The following HORMAD1 variants were observed in gnomAD, a reference collection of about 807,000 sequenced individuals.
HORMAD1 encodes the protein HORMA domain containing 1, also known as HORMA domain-containing protein 1.
Under a neutral mutation model 58.2 loss-of-function variants are expected in HORMAD1, and 33 were observed. The ratio of observed to expected loss-of-function variants is 0.57; its 90% CI spans 0.43 to 0.76. HORMAD1 has a LOEUF of 0.76. Ranked by LOEUF, HORMAD1 falls within the 30% of genes least tolerant of loss-of-function variation. HORMAD1 has a pLI of 0.00. For synonymous variants in HORMAD1, 137 were observed against 144.6 expected (o/e 0.95, Z 0.38); for missense variants, 363 against 462.0 (o/e 0.79, Z 1.96).
At chr1:150,706,166 C>T (rs1285093831) in intron 10 of HORMAD1, among the ~76,000 whole-genome samples, 1 of 152,118 alleles carries the variant, frequency 6.6e-6, no homozygotes, top group Admixed American at 6.5e-5. Context: ...CACAGGCTAC[C>T]TGAACACTTA....
intron 14 of HORMAD1, chr1:150,699,021 C>A: frequency 4.3e-6 from 1 of 229,990 alleles, no homozygotes; most frequent in Non-Finnish European, 8.4e-6. Flanking sequence ...CCAAATATTT[C>A]AGAGCAATAA....
At chr1:150,719,452 C>T (rs1322004749) in intron 2 of HORMAD1, 21 bp downstream of exon 2, 6 of 1,499,680 alleles carry the variant, frequency 4.0e-6, no homozygotes, top group South Asian at 1.2e-5. Context: ...TTAAGATATA[C>T]CAAAATACAA....
At position 150,706,782 on chromosome 1, in the gene HORMAD1, C is replaced by T; in HGVS notation, c.575G>A (p.Gly192Asp). 1.9e-6 allele frequency: 3 copies of T among 1,611,450 alleles called. No homozygotes were observed. The highest frequency in any genetic ancestry group is 2.5e-6 in the Non-Finnish European group (3 of 1,178,242). ...EVTPPDYQPP[G>D]FKDGDCEGVI... Reference sequence around the variant, plus strand: ...TCCTTCACAATCACCATCCTTAAAACCGGGAGGCTGGTAATCTGGGGGTGT... The same window carrying T: ...TCCTTCACAATCACCATCCTTAAAATCGGGAGGCTGGTAATCTGGGGGTGT... Residue 192 changes from glycine (G) to aspartate (D), a missense_variant, in exon 10 of 15, where the codon GGT (glycine) becomes GAT (aspartate). Around this residue, in one of 3 missense-constraint regions of HORMAD1, gnomAD observed 226 missense variants for 257.8 expected, o/e 0.88. Transcript: ENST00000361824.
chr1:150,701,953 A>C (rs922950223), intron 13 of HORMAD1: 5 of 152,228 alleles, frequency 3.3e-5, no homozygotes, highest in African/African-American at 9.6e-5. Context: ...ATGCAAATTC[A>C]TGAAGCATTC....
chr1:150,700,441 C>A (rs1651501985), intron 13 of HORMAD1, among the ~76,000 whole-genome samples: 1 of 152,076 alleles, frequency 6.6e-6, no homozygotes, highest in South Asian at 2.1e-4. Context: ...CAGTGCCCAG[C>A]TGGATATACA....
intron 1 of HORMAD1, 80 bp downstream of exon 1, chr1:150,720,724 G>C (rs1480390716): frequency 6.6e-6 from 1 of 152,202 alleles, no homozygotes; most frequent in Non-Finnish European, 1.5e-5. Flanking sequence ...TTAAAAGTAG[G>C]GGGAAGCTGA....
chr1:150,698,360 C>G lies in HORMAD1; in HGVS notation c.*294G>C, dbSNP rs1651431160. 5.4e-6 allele frequency: 1 copy of G among 186,010 alleles called. No homozygotes were observed. Among genetic ancestry groups the G allele is most frequent in the African/African-American group, 2.3e-5 (1 of 42,754 alleles). 11.5% of individuals were successfully genotyped at this position (186,010 alleles called of 1,614,324 possible). On this transcript the variant is annotated 3_prime_UTR_variant, in exon 15 of 15. Coordinates refer to ENST00000361824, the MANE Select transcript of HORMAD1 (RefSeq NM_032132.5). ...GAAAAATGGCATTAGAGGGCCTTAA[C>G]AGTTAGTATATATTTAAAGGAAATA...
chr1:150,701,248 A>G (rs777398550), intron 13 of HORMAD1, among the ~76,000 whole-genome samples: 1 of 152,186 alleles, frequency 6.6e-6, no homozygotes, highest in Middle Eastern at 3.2e-3. Context: ...CCTATATCCT[A>G]GTAAAGGTTA....
At chr1:150,720,270 C>T (rs1170145826) in intron 1 of HORMAD1, among the ~76,000 whole-genome samples, 2 of 152,172 alleles carry the variant, frequency 1.3e-5, no homozygotes, top group Non-Finnish European at 2.9e-5. Context: ...CGGGGTTTCA[C>T]CATGTTGGCC....
chr1:150,706,724 A>G lies in HORMAD1; in HGVS notation c.633T>C (p.Asn211=). ...VIFEGEPMYL[N]VGEVSTPFHI... is the part of the protein sequence containing the mutation. ...GAAAAGGTGTTGAGACTTCTCCCACATTTAAATACATAGGTTCCCCTTCAA... is the reference window on the plus strand; with the variant it reads ...GAAAAGGTGTTGAGACTTCTCCCACGTTTAAATACATAGGTTCCCCTTCAA... Residue 211 remains asparagine (N), a synonymous_variant, in exon 10 of 15, where the codon AAT becomes AAC. Transcript: ENST00000361824. 1 of 1,613,626 alleles carries G rather than the reference A, an allele frequency of 6.2e-7. No individual in the cohort carries two copies. Among genetic ancestry groups the G allele is most frequent in the Non-Finnish European group, 8.5e-7 (1 of 1,179,618 alleles).
intron 13 of HORMAD1, among the ~76,000 whole-genome samples, chr1:150,702,749 T>C (rs945405926): frequency 2.6e-5 from 4 of 151,514 alleles, no homozygotes; most frequent in African/African-American, 7.3e-5. Flanking sequence ...TGTCAGGGGG[T>C]TGGAGGGAGG....
chr1:150,711,532 C>G lies in HORMAD1; in HGVS notation c.327+13G>C. 6.3e-7 allele frequency: 1 copy of G among 1,584,200 alleles called. No individual in the cohort carries two copies. The highest frequency in any genetic ancestry group is 8.7e-7 in the Non-Finnish European group (1 of 1,153,956). On this transcript the variant is annotated intron_variant, in intron 7 of 14. Coordinates refer to ENST00000361824, the MANE Select transcript of HORMAD1 (RefSeq NM_032132.5). ...GAGGCATTATGTTTCTTTAGTAACT[C>G]AAGCACACTTACCTGAGGATCTTCT...
intron 7 of HORMAD1, among the ~76,000 whole-genome samples, chr1:150,710,113 G>A (rs2101869470): frequency 6.6e-6 from 1 of 152,240 alleles, no homozygotes; most frequent in African/African-American, 2.4e-5. Flanking sequence ...GCCTACTATT[G>A]TTTCTCTATA....
intron 14 of HORMAD1, among the ~76,000 whole-genome samples, chr1:150,699,690 A>AT (rs765754825): frequency 0.011 from 1,183 of 105,352 alleles, 10 homozygotes; most frequent in African/African-American, 0.026. Context: ...ACGCCCAGCT[A>AT]TTTTTTTTTT....
intron 10 of HORMAD1, among the ~76,000 whole-genome samples, chr1:150,705,230 A>G (rs897831160): frequency 1.3e-5 from 2 of 151,812 alleles, no homozygotes; most frequent in Admixed American, 6.6e-5. Flanking sequence ...AAATGATAAA[A>G]ATATACAACT....
At position 150,698,112 on chromosome 1, in the gene HORMAD1, A is replaced by G. The variant is rs749851061; in HGVS notation, c.*542T>C. 19 of 152,228 alleles carry G rather than the reference A, an allele frequency of 1.2e-4. No individual in the cohort carries two copies. Among genetic ancestry groups the G allele is most frequent in the Non-Finnish European group, 2.8e-4 (19 of 68,046 alleles). The allele number at this position is 152,228 out of a possible 1,614,324, so 9.4% of individuals were successfully genotyped here. A position where few individuals can be genotyped will look rare whatever the true frequency, so the allele number is the denominator to read the frequency against. ...CTGCAAAAAATGCCATACTTTAAAAATCAGTCTTTTTGTCCTGTAAAAAAA... is the reference window on the plus strand; with the variant it reads ...CTGCAAAAAATGCCATACTTTAAAAGTCAGTCTTTTTGTCCTGTAAAAAAA... On this transcript the variant is annotated 3_prime_UTR_variant, in exon 15 of 15. Coordinates refer to ENST00000361824, the MANE Select transcript of HORMAD1 (RefSeq NM_032132.5).
chr1:150,701,843 C>T (rs1009471505), intron 13 of HORMAD1: 1 of 152,006 alleles, frequency 6.6e-6, no homozygotes, highest in Admixed American at 6.6e-5. Flanking sequence ...TAACAAGATA[C>T]TCAATTTATA....
intron 4 of HORMAD1, 152 bp from the exon 5 acceptor site, chr1:150,714,273 C>T (rs912293197): frequency 3.8e-6 from 2 of 520,894 alleles, no homozygotes; most frequent in Admixed American, 3.8e-5. Context: ...CAAGACAAAA[C>T]ATAAAAAACA....
In HORMAD1 at chr1:150,698,435, A is replaced by G. The variant is rs1571063196; in HGVS notation, c.*219T>C. The G allele has an allele frequency of 3.0e-6, 1 of 330,636 alleles. No homozygotes were observed. Among genetic ancestry groups the G allele is most frequent in the Non-Finnish European group, 5.5e-6 (1 of 182,366 alleles). The allele number at this position is 330,636 out of a possible 1,614,324, so 20.5% of individuals were successfully genotyped here. A position where few individuals can be genotyped will look rare whatever the true frequency, so the allele number is the denominator to read the frequency against. ...ATTTTGAAATTTTACTTATTACCGA[A>G]TCAATTATGACATTTGTACTTTTGC... On this transcript the variant is annotated 3_prime_UTR_variant, in exon 15 of 15. Transcript: ENST00000361824.
Sources: gnomAD v4.1 joint callset for allele counts (sites outside exome capture counted in the v4.1 genomes callset) on GRCh38, gnomAD v4.1.1 for gene constraint, gnomAD v4.1.1 regional missense constraint, MANE v1.5 for transcripts, NCBI Gene and HGNC (gene_info 2026-07-23, HGNC 2026-07-21) for gene names.